Variants in BAZ2B observed in about 807,000 individuals in gnomAD.
The protein encoded by BAZ2B is bromodomain adjacent to zinc finger domain 2B, also known as bromodomain adjacent to zinc finger domain protein 2B.
In BAZ2B, 91 loss-of-function variants were observed where a neutral mutation model predicts 246.0. The observed-to-expected ratio is 0.37, with a 90% CI of 0.31 to 0.44. The LOEUF (loss-of-function observed/expected upper bound fraction) is 0.44, where lower values mean the gene tolerates loss of function less well. BAZ2B is among the 20% of genes least tolerant of loss of function. The probability of loss-of-function intolerance (pLI) is 1.00; values close to 1 mark genes in which losing one functional copy is unlikely to be tolerated. For missense variants in BAZ2B, 2,332 were observed against 2,533.7 expected, an observed-to-expected ratio of 0.92 and a Z score of 1.71; for synonymous variants, 855 against 860.0, an observed-to-expected ratio of 0.99 and a Z score of 0.10.
chr2:159,587,331 C>T (rs1175961255), intron 1 of BAZ2B, among the ~76,000 whole-genome samples: 11 of 152,152 alleles, frequency 7.2e-5, no homozygotes, highest in African/African-American at 2.7e-4. Flanking sequence ...CCGCCCACCT[C>T]AGCCTCCCAA....
the BAZ2B span, among the ~76,000 whole-genome samples, chr2:159,696,543 T>C: frequency 2.0e-5 from 3 of 152,186 alleles, no homozygotes; most frequent in African/African-American, 7.2e-5. Context: ...TCTATCAGTA[T>C]TTCTTAGGAG....
intron 1 of BAZ2B, chr2:159,615,313 TA>T (rs2151838249): frequency 6.6e-6 from 1 of 151,490 alleles, no homozygotes; most frequent in South Asian, 2.1e-4. Context: ...ACAAGAAGAT[TA>T]AAAGAGGGAA....
chr2:159,536,622 G>A (rs915377287), intron 2 of BAZ2B, among the ~76,000 whole-genome samples: 2 of 152,076 alleles, frequency 1.3e-5, no homozygotes, highest in Non-Finnish European at 2.9e-5. Flanking sequence ...AGCATGAGGT[G>A]AACTAATAGG....
At chr2:159,679,164 T>C in the BAZ2B span, among the ~76,000 whole-genome samples, 7 of 145,966 alleles carry the variant, frequency 4.8e-5, no homozygotes, top group African/African-American at 1.6e-4. Flanking sequence ...CCCAGCTACT[T>C]GGGAGGCTGA....
At chr2:159,336,884 T>A in intron 33 of BAZ2B, 58 bp downstream of exon 33, 3 of 1,392,826 alleles carry the variant, frequency 2.2e-6, no homozygotes, top group Non-Finnish European at 2.9e-6. Context: ...GATCTGGAGG[T>A]TGGAAGAAAC....
intron 27 of BAZ2B, among the ~76,000 whole-genome samples, chr2:159,356,554 G>A (rs1272235527): frequency 6.6e-6 from 1 of 152,200 alleles, no homozygotes; most frequent in Non-Finnish European, 1.5e-5. Context: ...CACAGCTTCA[G>A]CAGACTTAAA....
the BAZ2B span, among the ~76,000 whole-genome samples, chr2:159,667,013 T>C: frequency 6.6e-6 from 1 of 151,888 alleles, no homozygotes; most frequent in East Asian, 1.9e-4. Context: ...GGTTGATGGG[T>C]GCAGCAAACC....
chr2:159,667,834 A>T, the BAZ2B span, among the ~76,000 whole-genome samples: 11 of 152,180 alleles, frequency 7.2e-5, no homozygotes, highest in African/African-American at 2.6e-4. Flanking sequence ...CTCCAATTTT[A>T]TCATTTTAAA....
intron 19 of BAZ2B, among the ~76,000 whole-genome samples, chr2:159,396,753 G>GC (rs2064083220): frequency 6.6e-6 from 1 of 151,982 alleles, no homozygotes; most frequent in Non-Finnish European, 1.5e-5. Flanking sequence ...TGGCAGTTTT[G>GC]CATCTAGAAT....
chr2:159,581,132 C>T (rs1177177087), intron 1 of BAZ2B, among the ~76,000 whole-genome samples: 1 of 152,008 alleles, frequency 6.6e-6, no homozygotes, highest in Non-Finnish European at 1.5e-5. Flanking sequence ...GAACAGGCAA[C>T]CTACAGAATG....
At chr2:159,495,684 A>G (rs2081035025) in intron 2 of BAZ2B, among the ~76,000 whole-genome samples, 1 of 152,038 alleles carries the variant, frequency 6.6e-6, no homozygotes, top group South Asian at 2.1e-4. Context: ...TTTAGTATCT[A>G]CAAAGACCAC....
chr2:159,648,205 T>C, the BAZ2B span, among the ~76,000 whole-genome samples: 1 of 152,178 alleles, frequency 6.6e-6, no homozygotes, highest in Non-Finnish European at 1.5e-5. Flanking sequence ...CAGCATGATC[T>C]TGGCTCACTG....
chr2:159,360,678 T>C (rs1219764164), intron 27 of BAZ2B, among the ~76,000 whole-genome samples: 2 of 152,310 alleles, frequency 1.3e-5, no homozygotes. Context: ...GCTGGAGGCA[T>C]CACACTACCT....
intron 27 of BAZ2B, among the ~76,000 whole-genome samples, chr2:159,362,731 C>A (rs2059843467): frequency 6.6e-6 from 1 of 152,184 alleles, no homozygotes; most frequent in African/African-American, 2.4e-5. Context: ...AGTAGCTACG[C>A]CTGAGAATGG....
intron 4 of BAZ2B, among the ~76,000 whole-genome samples, chr2:159,449,999 C>G: frequency 6.6e-6 from 1 of 152,038 alleles, no homozygotes. Flanking sequence ...GAGAGAGACC[C>G]TGTTGCTATA....
At chr2:159,569,936 T>A (rs1334899193) in intron 1 of BAZ2B, among the ~76,000 whole-genome samples, 2 of 152,132 alleles carry the variant, frequency 1.3e-5, no homozygotes, top group African/African-American at 4.8e-5. Flanking sequence ...GTCAATAGAT[T>A]AAAATACAAA....
intron 7 of BAZ2B, 109 bp downstream of exon 7, chr2:159,438,900 A>G (rs2072899008): frequency 7.8e-7 from 1 of 1,287,588 alleles, no homozygotes; most frequent in African/African-American, 1.5e-5. Context: ...AAAAGTATGA[A>G]CTCAAAGTAA....
intron 1 of BAZ2B, among the ~76,000 whole-genome samples, chr2:159,575,775 A>G (rs1171659440): frequency 8.5e-5 from 13 of 152,346 alleles, no homozygotes; most frequent in African/African-American, 3.1e-4. Flanking sequence ...AAAACTCTTG[A>G]AGTGATACTA....
chr2:159,407,167 A>C (rs1216090130), intron 14 of BAZ2B, among the ~76,000 whole-genome samples: 1 of 151,920 alleles, frequency 6.6e-6, no homozygotes, highest in South Asian at 2.1e-4. Context: ...TAAATAGCAT[A>C]GCCAAGAAAA....
Sources: allele counts gnomAD v4.1 joint callset (sites outside exome capture counted in the v4.1 genomes callset), GRCh38; gene constraint gnomAD v4.1.1; transcripts MANE v1.5; gene names NCBI Gene and HGNC (gene_info 2026-07-23, HGNC 2026-07-21).